USH2A: variants seen among roughly 807,000 people sequenced by gnomAD.
USH2A encodes the protein usherin, also known as Usher syndrome 2A (autosomal recessive, mild).
USH2A carries 443 observed loss-of-function variants against 538.9 expected under a neutral mutation model. The ratio of observed to expected loss-of-function variants is 0.82; its 90% CI spans 0.76 to 0.89. The LOEUF is 0.89. USH2A is among the 40% of genes least tolerant of loss of function. The pLI is 0.00. For missense variants in USH2A, 6,633 were observed against 6,324.8 expected, an observed-to-expected ratio of 1.05 and a Z score of -1.65; for synonymous variants, 2,413 against 2,273.5, an observed-to-expected ratio of 1.06 and a Z score of -1.75.
At chr1:215,826,961 T>C (rs1663175298) in intron 47 of USH2A, among the ~76,000 whole-genome samples, 3 of 152,178 alleles carry the variant, frequency 2.0e-5, no homozygotes, top group Admixed American at 1.3e-4. Flanking sequence ...TCCTCGATAA[T>C]ATGCAGGATG....
chr1:215,668,824 G>A (rs1248343194), intron 64 of USH2A, among the ~76,000 whole-genome samples: 1 of 152,098 alleles, frequency 6.6e-6, no homozygotes, highest in Non-Finnish European at 1.5e-5. Flanking sequence ...TGAGGTCAGG[G>A]GTTCAACATC....
At chr1:215,687,161 A>T (rs1430543098) in intron 61 of USH2A, among the ~76,000 whole-genome samples, 3 of 152,100 alleles carry the variant, frequency 2.0e-5, no homozygotes, top group African/African-American at 7.2e-5. Flanking sequence ...TGTACTCATA[A>T]GTGTTAAAGC....
chr1:216,167,804 C>T (rs1179815146), intron 21 of USH2A, among the ~76,000 whole-genome samples: 1 of 152,140 alleles, frequency 6.6e-6, no homozygotes, highest in African/African-American at 2.4e-5. Context: ...TGCCTTATGT[C>T]CCCTCAATCA....
rs537343458 is a variant in USH2A, at chr1:216,283,050, A to T, written c.1971+6230T>A. Reference sequence around the variant, plus strand: ...AAATATAATTGATCTTTGTGTATTGATATTGTACTCTGCAACCTTGCTGAA... The same window carrying T: ...AAATATAATTGATCTTTGTGTATTGTTATTGTACTCTGCAACCTTGCTGAA... On this transcript the variant is annotated intron_variant, in intron 11 of 71. Coordinates refer to ENST00000307340, the MANE Select transcript of USH2A (RefSeq NM_206933.4). Among the ~76,000 whole-genome samples, 151 of 152,142 alleles carry T rather than the reference A, an allele frequency of 9.9e-4. 1 individual carries two copies. The highest frequency in any genetic ancestry group is 3.5e-3 in the African/African-American group (145 of 41,512).
At chr1:216,081,373 G>C (rs1407612422) in intron 26 of USH2A, among the ~76,000 whole-genome samples, 2 of 152,158 alleles carry the variant, frequency 1.3e-5, no homozygotes, top group African/African-American at 4.8e-5. Context: ...AACATTCTGA[G>C]TTTATCAAGT....
intron 38 of USH2A, among the ~76,000 whole-genome samples, chr1:215,931,342 A>T (rs536324175): frequency 6.6e-6 from 1 of 152,070 alleles, no homozygotes; most frequent in South Asian, 2.1e-4. Context: ...ATCCTGGTAA[A>T]ATTCTTTGGA....
chr1:215,853,055 C>T (rs916261207), intron 44 of USH2A, among the ~76,000 whole-genome samples: 2 of 152,248 alleles, frequency 1.3e-5, no homozygotes, highest in African/African-American at 4.8e-5. Flanking sequence ...GAGGCACCCA[C>T]CCCTTTTCCC....
chr1:216,026,615 C>A (rs11120721), intron 32 of USH2A, among the ~76,000 whole-genome samples: 25 of 152,100 alleles, frequency 1.6e-4, no homozygotes, highest in African/African-American at 4.6e-4. Context: ...AATTAATTCT[C>A]CCCTTCATTC....
intron 48 of USH2A, 65 bp downstream of exon 48, chr1:215,816,932 A>G (rs941103592): frequency 2.0e-6 from 3 of 1,512,014 alleles, no homozygotes; most frequent in Non-Finnish European, 2.8e-6. Context: ...GTGAGAAGCT[A>G]ATAATTTCAC....
At chr1:216,103,808 T>C (rs1004185249) in intron 21 of USH2A, among the ~76,000 whole-genome samples, 1 of 152,176 alleles carries the variant, frequency 6.6e-6, no homozygotes, top group African/African-American at 2.4e-5. Flanking sequence ...ATGAGAAAGA[T>C]GTTCAGTGTC....
At chr1:215,699,744 A>G (rs1189928480) in intron 61 of USH2A, among the ~76,000 whole-genome samples, 1 of 152,208 alleles carries the variant, frequency 6.6e-6, no homozygotes, top group Non-Finnish European at 1.5e-5. Flanking sequence ...CAATCATGTC[A>G]TCTGCAAACA....
At chr1:216,308,292 C>T (rs2037354229) in intron 9 of USH2A, among the ~76,000 whole-genome samples, 1 of 152,174 alleles carries the variant, frequency 6.6e-6, no homozygotes. Flanking sequence ...AAATTGTTTT[C>T]CATAGTGCAG....
intron 61 of USH2A, among the ~76,000 whole-genome samples, chr1:215,695,124 C>T (rs1373848423): frequency 6.6e-6 from 1 of 152,202 alleles, no homozygotes; most frequent in Non-Finnish European, 1.5e-5. Flanking sequence ...GGTTATGAGA[C>T]ATTCTTATCA....
intron 49 of USH2A, among the ~76,000 whole-genome samples, chr1:215,809,139 T>C (rs1005619433): frequency 7.2e-5 from 11 of 152,166 alleles, no homozygotes; most frequent in African/African-American, 2.7e-4. Flanking sequence ...TATCTTCCCC[T>C]GGGTAAAATA....
chr1:216,354,063 G>T (rs2038336239), intron 4 of USH2A, among the ~76,000 whole-genome samples: 1 of 152,002 alleles, frequency 6.6e-6, no homozygotes, highest in African/African-American at 2.4e-5. Context: ...TTCTAAGGAG[G>T]CCCCACCAGA....
intron 21 of USH2A, among the ~76,000 whole-genome samples, chr1:216,152,263 C>T (rs544420189): frequency 4.3e-4 from 65 of 152,338 alleles, no homozygotes; most frequent in African/African-American, 9.1e-4. Context: ...TGCACGTATA[C>T]GCCCAGATGG....
At chr1:215,722,067 TA>T (rs35694146) in intron 61 of USH2A, among the ~76,000 whole-genome samples, 81,424 of 141,748 alleles carry the variant, frequency 0.57, 23,475 homozygotes, top group South Asian at 0.76. Flanking sequence ...CCTGTCTCTT[TA>T]AAAAAAAAAA....
chr1:215,796,872 C>A (rs1423897114), intron 50 of USH2A, among the ~76,000 whole-genome samples: 1 of 27,766 alleles, frequency 3.6e-5, no homozygotes, highest in Non-Finnish European at 1.1e-4. Flanking sequence ...TCCTCCCACA[C>A]CTTCAACAGA....
In USH2A at chr1:216,222,893, A is replaced by G. The variant is rs148514281; in HGVS notation, c.2994-5343T>C. On this transcript the variant is annotated intron_variant, in intron 14 of 71. Transcript: ENST00000307340. ...CTCGGGAGGCTGAGGCAGGAGAATC[A>G]TTTGAACCCAGGAGGCGGAGGTTGT... is the stretch of plus-strand genomic sequence containing the variant. Among the ~76,000 whole-genome samples, 999 of 151,280 alleles carry G rather than the reference A, an allele frequency of 6.6e-3. 10 individuals are homozygous for G. The highest frequency in any genetic ancestry group is 0.023 in the African/African-American group (945 of 41,238).
Sources: allele counts gnomAD v4.1 joint callset (sites outside exome capture counted in the v4.1 genomes callset), GRCh38; gene constraint gnomAD v4.1.1; transcripts MANE v1.5; gene names NCBI Gene and HGNC (gene_info 2026-07-23, HGNC 2026-07-21).